Variants in JMJD1C observed in about 807,000 individuals in gnomAD.
The protein encoded by JMJD1C is jumonji domain containing 1C.
In JMJD1C, 31 loss-of-function variants were observed where a neutral mutation model predicts 245.3. The observed-to-expected ratio is 0.13, with a 90% CI of 0.09 to 0.17. The LOEUF is 0.17. Ranked by LOEUF, JMJD1C falls within the 10% of genes least tolerant of loss-of-function variation. JMJD1C has a pLI of 1.00. For missense variants in JMJD1C, 2,691 were observed against 3,000.2 expected (o/e 0.90, Z 2.41); for synonymous variants, 1,057 against 1,017.4 (o/e 1.04, Z -0.74).
rs762772056 is a variant in JMJD1C at position 63,207,137 on chromosome 10, G to T, written c.4532C>A (p.Thr1511Lys). Reference sequence around the variant, plus strand: ...ATCCAGAGGAAGGGAGGCTGAAAGTGTCTGATTTTTTATAGCATTAGGTTC... The same window carrying T: ...ATCCAGAGGAAGGGAGGCTGAAAGTTTCTGATTTTTTATAGCATTAGGTTC... ...ETEPNAIKNQ[T>K]LSASLPLDST... Residue 1511 changes from threonine to lysine, a missense_variant, in exon 10 of 26, where the codon ACA becomes AAA. Physicochemically the swap from Thr to Lys is moderately conservative, Grantham distance 78. Coordinates refer to ENST00000399262, the MANE Select transcript of JMJD1C (RefSeq NM_032776.3). The T allele has an allele frequency of 5.0e-6, 8 of 1,614,064 alleles. No individual in the cohort carries two copies. The Admixed American group carries it at 1.3e-4, about 27-fold the overall frequency.
upstream of JMJD1C, among the ~76,000 whole-genome samples, chr10:63,466,790 ATATT>A (rs1953307859): frequency 6.6e-6 from 1 of 152,052 alleles, no homozygotes; most frequent in Non-Finnish European, 1.5e-5. Context: ...AAGAAAAAAA[ATATT>A]TATTTCCCAT....
chr10:63,246,394 G>C (rs1390091813), intron 3 of JMJD1C, among the ~76,000 whole-genome samples: 2 of 152,092 alleles, frequency 1.3e-5, no homozygotes, highest in Non-Finnish European at 2.9e-5. Flanking sequence ...ATACAGGTAA[G>C]AAGGGAGGGC....
At position 63,167,336 on chromosome 10, in the gene JMJD1C, T is replaced by G. The variant is rs1466286111; in HGVS notation, c.*709A>C. On this transcript the variant is annotated 3_prime_UTR_variant, in exon 26 of 26. Transcript: ENST00000399262. ...AAAGCAAGCCAATGTTTTAAAAAAA[T>G]ACATCATTAAATGTATATATGTATA... 6.6e-6 allele frequency: 1 copy of G among 152,570 alleles called. No individual in the cohort carries two copies. The highest frequency in any genetic ancestry group is 1.5e-5 in the Non-Finnish European group (1 of 68,036). 9.5% of individuals were successfully genotyped at this position (152,570 alleles called of 1,614,324 possible).
At chr10:63,293,508 C>A (rs1471946110) in intron 2 of JMJD1C, among the ~76,000 whole-genome samples, 1 of 151,926 alleles carries the variant, frequency 6.6e-6, no homozygotes, top group East Asian at 1.9e-4. Flanking sequence ...TTTGTTTTTC[C>A]TTCTTTATCA....
intron 2 of JMJD1C, among the ~76,000 whole-genome samples, chr10:63,377,360 T>G (rs1564851224): frequency 2.6e-5 from 4 of 152,206 alleles, no homozygotes; most frequent in Admixed American, 2.0e-4. Context: ...TTACTACCAA[T>G]GACCCGTGTA....
At position 63,193,086 on chromosome 10, in the gene JMJD1C, TTGC is replaced by T. The variant is rs1356181745; in HGVS notation, c.5925_5927del (p.Gln1976del). 1.2e-6 allele frequency: 2 copies of T among 1,614,048 alleles called. No individual in the cohort carries two copies. Among genetic ancestry groups the T allele is most frequent in the Non-Finnish European group, 1.7e-6 (2 of 1,180,038 alleles). On this transcript the variant is annotated inframe_deletion, in exon 16 of 26. Coordinates refer to ENST00000399262, the MANE Select transcript of JMJD1C (RefSeq NM_032776.3). ...TTTTCTCAGACTTCGGAGGAGTATT[TTGC>T]TGCTGAGACTCAGGCATGCACAGAG...
At chr10:63,168,292 C>G in intron 25 of JMJD1C, 143 bp downstream of exon 25, 1 of 995,054 alleles carries the variant, frequency 1.0e-6, no homozygotes, top group Non-Finnish European at 1.5e-6. Context: ...ATAAATCATA[C>G]AATTAAATAC....
At chr10:63,501,051 A>G (rs1245810709) in intron 1 of JMJD1C, among the ~76,000 whole-genome samples, 2 of 152,224 alleles carry the variant, frequency 1.3e-5, no homozygotes, top group African/African-American at 4.8e-5. Flanking sequence ...ACACGAAGAC[A>G]TAAAAACTGA....
chr10:63,284,126 A>G (rs1336720114), intron 2 of JMJD1C, among the ~76,000 whole-genome samples: 1 of 151,894 alleles, frequency 6.6e-6, no homozygotes, highest in Admixed American at 6.6e-5. Context: ...CCTAGGTTCA[A>G]GCTATTCTCT....
chr10:63,301,947 C>T (rs193165479), intron 2 of JMJD1C: 19 of 278,152 alleles, frequency 6.8e-5, no homozygotes, highest in African/African-American at 3.9e-4. Context: ...TGAGTACATA[C>T]AGAACTACTT....
At chr10:63,376,717 C>G (rs1043929571) in intron 2 of JMJD1C, among the ~76,000 whole-genome samples, 1 of 152,000 alleles carries the variant, frequency 6.6e-6, no homozygotes, top group African/African-American at 2.4e-5. Context: ...AAAACAAAAC[C>G]ACAATGACAT....
intron 1 of JMJD1C, among the ~76,000 whole-genome samples, chr10:63,461,038 C>G (rs1321259746): frequency 6.6e-6 from 1 of 152,126 alleles, no homozygotes; most frequent in Non-Finnish European, 1.5e-5. Context: ...TAATTTTACA[C>G]AGAAACACAA....
intron 2 of JMJD1C, among the ~76,000 whole-genome samples, chr10:63,308,102 G>C (rs567588506): frequency 4.7e-4 from 72 of 152,120 alleles, no homozygotes; most frequent in African/African-American, 1.7e-3. Context: ...AGTGAGCTGA[G>C]ATTGAGCCAC....
intron 22 of JMJD1C, among the ~76,000 whole-genome samples, chr10:63,179,123 A>G (rs1003362510): frequency 1.3e-5 from 2 of 152,116 alleles, no homozygotes; most frequent in Admixed American, 6.5e-5. Flanking sequence ...GGATAAAGAA[A>G]ATGTGTGGCC....
intron 3 of JMJD1C, among the ~76,000 whole-genome samples, chr10:63,225,849 A>T (rs773781647): frequency 9.2e-5 from 14 of 152,016 alleles, no homozygotes; most frequent in African/African-American, 1.2e-4. Flanking sequence ...TACTTTCCAT[A>T]CAGTATCAAT....
At chr10:63,222,205 G>A (rs899932932) in intron 3 of JMJD1C, 27 of 760,956 alleles carry the variant, frequency 3.5e-5, no homozygotes, top group Non-Finnish European at 5.7e-5. Context: ...CTGACACCAT[G>A]TTCAGAGGAA....
intron 2 of JMJD1C, among the ~76,000 whole-genome samples, chr10:63,360,147 T>C (rs1945202138): frequency 6.6e-6 from 1 of 152,006 alleles, no homozygotes; most frequent in Admixed American, 6.6e-5. Context: ...CCCCATCTCT[T>C]AAAAAAATTA....
chr10:63,492,877 T>G (rs1444852455), intron 1 of JMJD1C, among the ~76,000 whole-genome samples: 1 of 152,052 alleles, frequency 6.6e-6, no homozygotes, highest in Non-Finnish European at 1.5e-5. Context: ...CCCACTACAG[T>G]TTTGTCTGAA....
intron 3 of JMJD1C, among the ~76,000 whole-genome samples, chr10:63,260,107 C>T (rs1221486921): frequency 6.6e-6 from 1 of 152,148 alleles, no homozygotes; most frequent in Admixed American, 6.5e-5. Flanking sequence ...TTAGGGAAAA[C>T]ACCTCATTAC....
Sources: gnomAD v4.1 joint callset for allele counts (sites outside exome capture counted in the v4.1 genomes callset) on GRCh38, gnomAD v4.1.1 for gene constraint, MANE v1.5 for transcripts, NCBI Gene and HGNC (gene_info 2026-07-23, HGNC 2026-07-21) for gene names.